Variants in NAALADL2 observed in about 807,000 individuals in gnomAD.
NAALADL2 encodes inactive N-acetylated-alpha-linked acidic dipeptidase-like protein 2.
NAALADL2 carries 76 observed loss-of-function variants against 87.2 expected under a neutral mutation model. The ratio of observed to expected loss-of-function variants is 0.87; its 90% CI spans 0.72 to 1.05. The LOEUF (loss-of-function observed/expected upper bound fraction) is 1.05, where lower values mean the gene tolerates loss of function less well. Ranked by LOEUF, NAALADL2 falls within the 50% of genes least tolerant of loss-of-function variation. The pLI, the probability that NAALADL2 is intolerant of heterozygous loss-of-function variation, is 0.00. For synonymous variants in NAALADL2, 354 were observed against 331.0 expected (o/e 1.07, Z -0.75); for missense variants, 1,089 against 945.8 (o/e 1.15, Z -1.99).
At chr3:174,723,783 A>AT (rs397943341) in intron 2 of NAALADL2, among the ~76,000 whole-genome samples, 1 of 147,214 alleles carries the variant, frequency 6.8e-6, no homozygotes, top group Non-Finnish European at 1.5e-5. Flanking sequence ...AAAAAAAAAA[A>AT]GCCTAGATAG....
chr3:175,503,902 T>A (rs780972343), intron 9 of NAALADL2, among the ~76,000 whole-genome samples: 3 of 152,212 alleles, frequency 2.0e-5, no homozygotes, highest in African/African-American at 4.8e-5. Context: ...TGTTGATAAT[T>A]CCTTGTGCTG....
intron 4 of NAALADL2, among the ~76,000 whole-genome samples, chr3:175,318,973 A>G (rs1367578395): frequency 1.4e-5 from 2 of 143,486 alleles, no homozygotes; most frequent in Admixed American, 1.4e-4. Context: ...GTTATATTCT[A>G]TTATATTTTT....
intron 1 of NAALADL2, among the ~76,000 whole-genome samples, chr3:175,073,564 A>T (rs957727035): frequency 1.3e-5 from 2 of 152,206 alleles, no homozygotes; most frequent in African/African-American, 4.8e-5. Flanking sequence ...TTGAAGTGAA[A>T]ATGTTCGAGT....
intron 2 of NAALADL2, among the ~76,000 whole-genome samples, chr3:174,587,975 T>C (rs897184737): frequency 2.6e-5 from 4 of 152,198 alleles, no homozygotes; most frequent in African/African-American, 9.6e-5. Context: ...TTTTCCAACT[T>C]GGTTCAATTC....
chr3:175,211,229 A>G (rs80230912), intron 2 of NAALADL2, among the ~76,000 whole-genome samples: 1,627 of 151,990 alleles, frequency 0.011, 32 homozygotes, highest in African/African-American at 0.036. Flanking sequence ...AAAAACACCA[A>G]ATAAATATAG....
In NAALADL2 at chr3:175,803,515, A is replaced by G; in HGVS notation, c.*312A>G. The G allele has an allele frequency of 5.3e-6, 1 of 187,768 alleles. No individual in the cohort carries two copies. Among genetic ancestry groups the G allele is most frequent in the Non-Finnish European group, 1.1e-5 (1 of 90,292 alleles). The allele number at this position is 187,768 out of a possible 1,614,324, so 11.6% of individuals were successfully genotyped here. A position where few individuals can be genotyped will look rare whatever the true frequency, so the allele number is the denominator to read the frequency against. On this transcript the variant is annotated 3_prime_UTR_variant, in exon 14 of 14. Transcript: ENST00000454872. Reference sequence around the variant, plus strand: ...AGGAAAAATTTCCAAGAAGTTCTGGACTATCTTTGTTCCTATGGGGAGGGC... The same window carrying G: ...AGGAAAAATTTCCAAGAAGTTCTGGGCTATCTTTGTTCCTATGGGGAGGGC...
intron 3 of NAALADL2, among the ~76,000 whole-genome samples, chr3:174,835,468 C>G (rs985182975): frequency 4.6e-5 from 7 of 152,052 alleles, no homozygotes; most frequent in African/African-American, 1.7e-4. Context: ...GCATATGACA[C>G]CAAGAATACA....
At chr3:175,307,238 G>C (rs546320741) in intron 4 of NAALADL2, among the ~76,000 whole-genome samples, 1 of 151,986 alleles carries the variant, frequency 6.6e-6, no homozygotes, top group Non-Finnish European at 1.5e-5. Flanking sequence ...CCCTGGAGTA[G>C]TTGTGACAAT....
chr3:175,004,580 G>C (rs953769780), intron 1 of NAALADL2, among the ~76,000 whole-genome samples: 1 of 151,800 alleles, frequency 6.6e-6, no homozygotes, highest in Non-Finnish European at 1.5e-5. Flanking sequence ...TTTTACGTGT[G>C]AGGAAGTATA....
At chr3:175,766,037 A>T (rs976032908) in intron 13 of NAALADL2, among the ~76,000 whole-genome samples, 5 of 152,110 alleles carry the variant, frequency 3.3e-5, no homozygotes, top group Non-Finnish European at 5.9e-5. Flanking sequence ...ATTTAATGAG[A>T]TTATAGTGTT....
At chr3:175,525,371 C>A (rs535194283) in intron 9 of NAALADL2, among the ~76,000 whole-genome samples, 2 of 152,250 alleles carry the variant, frequency 1.3e-5, no homozygotes, top group South Asian at 4.1e-4. Flanking sequence ...ACCCCATCGT[C>A]CCATTTCTCC....
At chr3:174,478,403 G>A (rs1219731455) in intron 1 of NAALADL2, among the ~76,000 whole-genome samples, 1 of 151,918 alleles carries the variant, frequency 6.6e-6, no homozygotes, top group Non-Finnish European at 1.5e-5. Flanking sequence ...GAAACTATTT[G>A]CTATTTATAT....
At position 175,782,057 on chromosome 3, in the gene NAALADL2, A is replaced by C. The variant is rs1405472484; in HGVS notation, c.2190-20948A>C. ...AACTCATCATTTTTTATGGCTGCAT[A>C]GTATTCCATGGTGTATATGTGCCAC... On this transcript the variant is annotated intron_variant, in intron 13 of 13. Transcript: ENST00000454872. 2.0e-5 allele frequency among the ~76,000 whole-genome samples: 3 copies of C among 150,944 alleles called. No homozygotes were observed. In the East Asian group the frequency reaches 5.9e-4, roughly 29 times the overall value.
At chr3:175,116,769 T>C (rs996424765) in intron 2 of NAALADL2, among the ~76,000 whole-genome samples, 6 of 151,516 alleles carry the variant, frequency 4.0e-5, no homozygotes, top group African/African-American at 1.5e-4. Context: ...AACTTTAAAG[T>C]CCATATGGAA....
Position 175,333,868 on chromosome 3 carries a change from A to C in NAALADL2, c.1090+9543A>C, listed in dbSNP as rs188785685. On this transcript the variant is annotated intron_variant, in intron 5 of 13. Transcript: ENST00000454872. ...AATGTACAGAAATAGTAAATACTCA[A>C]GGTAATAGATACCCTAAATACCCTG... Among the ~76,000 whole-genome samples the C allele has an allele frequency of 3.9e-5, 6 of 152,304 alleles. No homozygotes were observed. In the East Asian group the frequency reaches 1.2e-3, roughly 29 times the overall value.
At chr3:174,571,376 A>C (rs1482539323) in intron 2 of NAALADL2, among the ~76,000 whole-genome samples, 3 of 151,998 alleles carry the variant, frequency 2.0e-5, no homozygotes, top group Non-Finnish European at 2.9e-5. Context: ...CATGCATGTA[A>C]ATTCTTTTTT....
chr3:175,601,914 T>TTAAG (rs1723028000), intron 10 of NAALADL2, among the ~76,000 whole-genome samples: 1 of 152,222 alleles, frequency 6.6e-6, no homozygotes, highest in African/African-American at 2.4e-5. Flanking sequence ...TTTAGCAGAA[T>TTAAG]TAAGCTGCGT....
intron 1 of NAALADL2, among the ~76,000 whole-genome samples, chr3:174,444,952 T>C (rs1714933466): frequency 6.6e-6 from 1 of 152,072 alleles, no homozygotes; most frequent in African/African-American, 2.4e-5. Flanking sequence ...CTCATAGATA[T>C]TGAGCAGTTT....
At chr3:175,137,476 A>G (rs62282978) in intron 2 of NAALADL2, among the ~76,000 whole-genome samples, 68,673 of 151,900 alleles carry the variant, frequency 0.45, 16,339 homozygotes, top group East Asian at 0.57. Context: ...TGTGCATGCA[A>G]ATTATCACCA....
Sources: allele counts gnomAD v4.1 joint callset (sites outside exome capture counted in the v4.1 genomes callset), GRCh38; gene constraint gnomAD v4.1.1; transcripts MANE v1.5; gene names NCBI Gene and HGNC (gene_info 2026-07-23, HGNC 2026-07-21).